The following CYP3A7 variants were observed in gnomAD, a reference collection of about 807,000 sequenced individuals.
The protein encoded by CYP3A7 is cytochrome P450 3A7.
Under a neutral mutation model 55.2 loss-of-function variants are expected in CYP3A7, and 45 were observed. The ratio of observed to expected loss-of-function variants is 0.82; its 90% CI spans 0.64 to 1.05. CYP3A7 has a LOEUF of 1.05. CYP3A7 is among the 50% of genes least tolerant of loss of function. The pLI, the probability that CYP3A7 is intolerant of heterozygous loss-of-function variation, is 0.00. For synonymous variants in CYP3A7, 180 were observed against 207.4 expected (o/e 0.87, Z 1.13); for missense variants, 548 against 605.3 (o/e 0.91, Z 0.99).
In CYP3A7 at chr7:99,717,225, C is replaced by T. The variant is rs1390015837; in HGVS notation, c.473G>A (p.Arg158Lys). The change falls in exon 6 of 13, where the codon AGA (arginine) becomes AAA (lysine). Residue 158 changes from arginine to lysine, a missense_variant. Arg to Lys is a conservative substitution (Grantham distance 26, BLOSUM62 2). Transcript: ENST00000336374. ...IIAQYGDVLV[R>K]NLRREAETGK... Reference sequence around the variant, plus strand: ...TGTCTCTGCTTCCCGCCTCAGATTTCTCACCAACACATCTCCATACTGGGC... The same window carrying T: ...TGTCTCTGCTTCCCGCCTCAGATTTTTCACCAACACATCTCCATACTGGGC... 1 of 1,613,966 alleles carries T rather than the reference C, an allele frequency of 6.2e-7. No individual in the cohort carries two copies. Among genetic ancestry groups the T allele is most frequent in the Admixed American group, 1.7e-5 (1 of 60,020 alleles).
chr7:99,711,590 G>T (rs1320797605), intron 9 of CYP3A7, among the ~76,000 whole-genome samples: 1 of 152,276 alleles, frequency 6.6e-6, no homozygotes. Flanking sequence ...CCAACATGGA[G>T]AAACCCCTTC....
intron 2 of CYP3A7, among the ~76,000 whole-genome samples, chr7:99,730,345 A>T (rs1814566579): frequency 6.6e-6 from 1 of 152,250 alleles, no homozygotes; most frequent in Non-Finnish European, 1.5e-5. Context: ...TGAGGTTAAT[A>T]GACAACCACT....
rs536710531 is a variant in CYP3A7, at chr7:99,705,172, A to AAAT, written c.*325_*327dup. 5.3e-4 allele frequency: 138 copies of AAAT among 259,026 alleles called. No homozygotes were observed. Among genetic ancestry groups the AAAT allele is most frequent in the South Asian group, 5.3e-3 (97 of 18,310 alleles). 16.0% of individuals were successfully genotyped at this position (259,026 alleles called of 1,614,324 possible). A position where few individuals can be genotyped will look rare whatever the true frequency, so the allele number is the denominator to read the frequency against. On this transcript the variant is annotated 3_prime_UTR_variant, in exon 13 of 13. Coordinates refer to ENST00000336374, the MANE Select transcript of CYP3A7 (RefSeq NM_000765.5). ...CTATTTTTATTAATGATTGTGGTTG[A>AAAT]AATTATTGAGAAATGTTAATTATGT...
intron 3 of CYP3A7, 86 bp from the exon 4 acceptor site, chr7:99,720,498 G>A (rs1814158387): frequency 7.0e-7 from 1 of 1,421,498 alleles, no homozygotes; most frequent in South Asian, 1.2e-5. Context: ...CTTTGATCCG[G>A]ACATTACATA....
intron 1 of CYP3A7, among the ~76,000 whole-genome samples, chr7:99,734,069 T>C (rs1814733721): frequency 6.6e-6 from 1 of 152,142 alleles, no homozygotes; most frequent in Admixed American, 6.5e-5. Context: ...AAATAGTCTA[T>C]CTCCAAAAAA....
chr7:99,709,380 T>C (rs1264949405), intron 10 of CYP3A7, 119 bp from the exon 11 acceptor site: 1 of 1,439,762 alleles, frequency 6.9e-7, no homozygotes, highest in African/African-American at 1.4e-5. Context: ...TGGCAAAGGA[T>C]TGTAGCATTC....
chr7:99,713,618 C>T (rs1813835396), intron 8 of CYP3A7, 83 bp from the exon 9 acceptor site: 3 of 1,593,556 alleles, frequency 1.9e-6, no homozygotes, highest in African/African-American at 2.7e-5. Flanking sequence ...CTCAACCTCC[C>T]TTCTGAGAAT....
intron 1 of CYP3A7, among the ~76,000 whole-genome samples, chr7:99,732,215 C>G (rs1331351034): frequency 6.6e-6 from 1 of 152,152 alleles, no homozygotes; most frequent in Non-Finnish European, 1.5e-5. Flanking sequence ...CTCCTCCCCA[C>G]CCTCTCTTGC....
At chr7:99,731,176 G>A (rs1814601879) in intron 1 of CYP3A7, 24 bp from the exon 2 acceptor site, 1 of 1,613,282 alleles carries the variant, frequency 6.2e-7, no homozygotes, top group Admixed American at 1.7e-5. Flanking sequence ...CAAAAATCAG[G>A]TCTCAGGGAT....
Position 99,717,143 on chromosome 7 carries a change from C to G in CYP3A7, c.521+34G>C, listed in dbSNP as rs184305101. 3.6e-5 allele frequency: 58 copies of G among 1,613,512 alleles called. No homozygotes were observed. In the Admixed American group the frequency reaches 5.5e-4, roughly 15 times the overall value. On this transcript the variant is annotated intron_variant, in intron 6 of 12. Coordinates refer to ENST00000336374, the MANE Select transcript of CYP3A7 (RefSeq NM_000765.5). ...AGCAGGCAGCTGGAGGGGCTCATGACAGCTCAGAACCCCATGGCTGTGCTC... is the reference window on the plus strand; with the variant it reads ...AGCAGGCAGCTGGAGGGGCTCATGAGAGCTCAGAACCCCATGGCTGTGCTC...
At chr7:99,715,657 A>C in intron 7 of CYP3A7, 101 bp downstream of exon 7, 1 of 1,583,924 alleles carries the variant, frequency 6.3e-7, no homozygotes, top group East Asian at 2.3e-5. Context: ...AAACCATTAA[A>C]CTGTACATTT....
At chr7:99,731,934 A>G (rs1260651995) in intron 1 of CYP3A7, among the ~76,000 whole-genome samples, 1 of 152,166 alleles carries the variant, frequency 6.6e-6, no homozygotes, top group Non-Finnish European at 1.5e-5. Flanking sequence ...AAGAATCACA[A>G]CTAAGAACAA....
rs368754902 is a variant in CYP3A7, at chr7:99,707,795, G to A, written c.1416+17C>T. On this transcript the variant is annotated intron_variant, in intron 12 of 12. Coordinates refer to ENST00000336374, the MANE Select transcript of CYP3A7 (RefSeq NM_000765.5). ...TAATTGTTAATAAAACATTATTAAT[G>A]CAGAAAATTGACTGACCTGTGTTTC... The A allele has an allele frequency of 5.6e-6, 9 of 1,613,474 alleles. No homozygotes were observed. In the African/African-American group the frequency reaches 1.2e-4, roughly 22 times the overall value.
intron 12 of CYP3A7, among the ~76,000 whole-genome samples, chr7:99,707,582 T>C (rs1813572099): frequency 6.6e-6 from 1 of 152,244 alleles, no homozygotes; most frequent in African/African-American, 2.4e-5. Context: ...AGACTGTAGA[T>C]AATCATGTCA....
At chr7:99,711,524 T>C (rs1366311760) in intron 9 of CYP3A7, among the ~76,000 whole-genome samples, 1 of 152,206 alleles carries the variant, frequency 6.6e-6, no homozygotes, top group Admixed American at 6.5e-5. Context: ...ATCCCATCAC[T>C]TTGGGAGGCC....
At chr7:99,728,129 A>T (rs1318943415) in intron 2 of CYP3A7, among the ~76,000 whole-genome samples, 3 of 152,138 alleles carry the variant, frequency 2.0e-5, no homozygotes, top group African/African-American at 7.2e-5. Context: ...TCCATCTATC[A>T]ATCCCTCCCC....
At chr7:99,708,144 G>T (rs185844068) in intron 11 of CYP3A7, among the ~76,000 whole-genome samples, 170 bp from the exon 12 acceptor site, 1 of 152,286 alleles carries the variant, frequency 6.6e-6, no homozygotes, top group Non-Finnish European at 1.5e-5. Context: ...GAATTGTAAG[G>T]TACAGATCCT....
intron 1 of CYP3A7, among the ~76,000 whole-genome samples, chr7:99,734,746 C>T (rs1306614480): frequency 1.3e-5 from 2 of 151,866 alleles, no homozygotes; most frequent in Non-Finnish European, 1.5e-5. Flanking sequence ...CTCAGCCACC[C>T]AAGTAGCTGG....
chr7:99,714,774 A>G, intron 7 of CYP3A7, 92 bp from the exon 8 acceptor site: 1 of 1,562,088 alleles, frequency 6.4e-7, no homozygotes, highest in East Asian at 2.3e-5. Flanking sequence ...CAATCAGAAG[A>G]GTGAAATACA....
Sources: allele counts gnomAD v4.1 joint callset (sites outside exome capture counted in the v4.1 genomes callset), GRCh38; gene constraint gnomAD v4.1.1; transcripts MANE v1.5; gene names NCBI Gene and HGNC (gene_info 2026-07-23, HGNC 2026-07-21).